Variants in LIX1 observed in about 807,000 individuals in gnomAD.
LIX1 encodes the protein protein limb expression 1 homolog.
A neutral mutation model predicts 33.4 loss-of-function variants in LIX1; 24 were observed. The ratio of observed to expected loss-of-function variants is 0.72; its 90% CI spans 0.52 to 1.01. The LOEUF (loss-of-function observed/expected upper bound fraction) is 1.01, where lower values mean the gene tolerates loss of function less well. LIX1 is among the 50% of genes least tolerant of loss of function. The pLI is 0.00. For synonymous variants in LIX1, 124 were observed against 124.0 expected, an observed-to-expected ratio of 1.00 and a Z score of 0.00; for missense variants, 311 against 339.2, an observed-to-expected ratio of 0.92 and a Z score of 0.65.
intron 1 of LIX1, among the ~76,000 whole-genome samples, chr5:97,138,891 A>G (rs1748224698): frequency 6.6e-6 from 1 of 152,212 alleles, no homozygotes; most frequent in Admixed American, 6.5e-5. Flanking sequence ...GAAGCATTTC[A>G]GATTTCAGAT....
At chr5:97,117,366 G>C (rs1580233871) in intron 2 of LIX1, among the ~76,000 whole-genome samples, 1 of 152,186 alleles carries the variant, frequency 6.6e-6, no homozygotes, top group South Asian at 2.1e-4. Context: ...CTGGGCAATA[G>C]TCTCAAGTTT....
chr5:97,136,604 G>A (rs1412940460), intron 1 of LIX1, among the ~76,000 whole-genome samples: 3 of 152,158 alleles, frequency 2.0e-5, no homozygotes, highest in Non-Finnish European at 2.9e-5. Context: ...GTAACACTTA[G>A]TACAGAGCCA....
At chr5:97,120,827 T>C (rs1442689130) in intron 2 of LIX1, among the ~76,000 whole-genome samples, 4 of 152,168 alleles carry the variant, frequency 2.6e-5, no homozygotes, top group Admixed American at 2.0e-4. Context: ...CCCTTTTTAC[T>C]TTCTATTTTG....
chr5:97,128,691 C>T (rs1238234685), intron 1 of LIX1, among the ~76,000 whole-genome samples: 1 of 152,178 alleles, frequency 6.6e-6, no homozygotes, highest in Non-Finnish European at 1.5e-5. Context: ...TTATCATCTA[C>T]CTAGTTACCT....
chr5:97,139,278 G>A lies in LIX1; in HGVS notation c.82+3217C>T, dbSNP rs576913929. On this transcript the variant is annotated intron_variant, in intron 1 of 5. Transcript: ENST00000274382. ...TAGTACAGTGCCTATCACATGATGA[G>A]GACTTGATGTCTTAGCCTTACTATT... Among the ~76,000 whole-genome samples, 18 of 152,316 alleles carry A rather than the reference G, an allele frequency of 1.2e-4. No individual in the cohort carries two copies. In the South Asian group the frequency reaches 1.9e-3, roughly 16 times the overall value.
intron 4 of LIX1, 47 bp downstream of exon 4, chr5:97,105,143 C>A: frequency 6.7e-7 from 1 of 1,499,602 alleles, no homozygotes; most frequent in South Asian, 1.1e-5. Context: ...TTCTCTTAGG[C>A]TTCTGGATTG....
At chr5:97,126,021 A>G (rs778969595) in intron 1 of LIX1, among the ~76,000 whole-genome samples, 2 of 152,218 alleles carry the variant, frequency 1.3e-5, no homozygotes, top group Non-Finnish European at 2.9e-5. Context: ...AGCTATGCCC[A>G]TAATCCAGGA....
rs995090557 is a variant in LIX1, at chr5:97,098,943, A to T, written c.484-2056T>A. ...TTTTCTTCTTTTCTGTCAGAGATCC[A>T]GTTTGGCATTCTGTCTAAGTTCACT... On this transcript the variant is annotated intron_variant, in intron 4 of 5. Transcript: ENST00000274382. 4.6e-5 allele frequency among the ~76,000 whole-genome samples: 7 copies of T among 152,220 alleles called. 1 individual carries two copies. Among genetic ancestry groups the T allele is most frequent in the Admixed American group, 4.6e-4 (7 of 15,280 alleles).
rs1327891831 is a variant in LIX1 at position 97,093,620 on chromosome 5, A to G, written c.*1128T>C. 17 of 45,014 alleles carry G rather than the reference A, an allele frequency of 3.8e-4. No individual in the cohort carries two copies. The highest frequency in any genetic ancestry group is 2.2e-3 in the African/African-American group (17 of 7,556). 2.8% of individuals were successfully genotyped at this position (45,014 alleles called of 1,614,324 possible). A position where few individuals can be genotyped will look rare whatever the true frequency, so the allele number is the denominator to read the frequency against. On this transcript the variant is annotated 3_prime_UTR_variant, in exon 6 of 6. Coordinates refer to ENST00000274382, the MANE Select transcript of LIX1 (RefSeq NM_153234.5). ...AACATGATGAAATCCCGTCTCTACT[A>G]AAAAAAAAAAAAAAAAAAAAGTTTT...
intron 2 of LIX1, 76 bp from the exon 3 acceptor site, chr5:97,107,576 C>T: frequency 6.9e-7 from 1 of 1,439,794 alleles, no homozygotes; most frequent in Non-Finnish European, 9.7e-7. Flanking sequence ...CAATGGGTCT[C>T]TGGACATTTC....
At chr5:97,124,092 C>T (rs111661875) in intron 2 of LIX1, among the ~76,000 whole-genome samples, 199 of 152,200 alleles carry the variant, frequency 1.3e-3, no homozygotes, top group South Asian at 0.01. Context: ...TCAGGTATGA[C>T]GTTAGTCTTA....
In LIX1 at chr5:97,092,264, G is replaced by A. The variant is rs1489382895; in HGVS notation, c.*2484C>T. 1 of 152,304 alleles carries A rather than the reference G, an allele frequency of 6.6e-6. No homozygotes were observed. The highest frequency in any genetic ancestry group is 1.5e-5 in the Non-Finnish European group (1 of 68,042). 9.4% of individuals were successfully genotyped at this position (152,304 alleles called of 1,614,324 possible). A position where few individuals can be genotyped will look rare whatever the true frequency, so the allele number is the denominator to read the frequency against. ...CTATTTTCCTAGGAGATGATCCACA[G>A]CTTTTATCAGATTCTCAAAGGGCTT... On this transcript the variant is annotated 3_prime_UTR_variant, in exon 6 of 6. Coordinates refer to ENST00000274382, the MANE Select transcript of LIX1 (RefSeq NM_153234.5).
At chr5:97,119,894 A>G (rs772355016) in intron 2 of LIX1, among the ~76,000 whole-genome samples, 8 of 152,020 alleles carry the variant, frequency 5.3e-5, no homozygotes, top group Non-Finnish European at 8.8e-5. Context: ...AATTTCTTAC[A>G]CTCATATCTT....
At chr5:97,126,421 C>G (rs890871169) in intron 1 of LIX1, among the ~76,000 whole-genome samples, 3 of 152,110 alleles carry the variant, frequency 2.0e-5, no homozygotes, top group African/African-American at 7.2e-5. Flanking sequence ...CAGGCAAATT[C>G]TGGCAACTCC....
rs757711907 is a variant in LIX1 at position 97,094,843 on chromosome 5, A to G, written c.754T>C (p.Leu252=). 5 of 1,614,212 alleles carry G rather than the reference A, an allele frequency of 3.1e-6. No individual in the cohort carries two copies. The highest frequency in any genetic ancestry group is 4.2e-6 in the Non-Finnish European group (5 of 1,180,030). ...CAGATCTGAGTCAGGGCTAAGCTCA[A>G]TATTTCTTTCTTTTCTTTGTAAAAC... ...LRFYKEKKEI[L]SLALTQICSD... Residue 252 remains leucine, a synonymous_variant, in exon 6 of 6, where the codon TTG becomes CTG. Coordinates refer to ENST00000274382, the MANE Select transcript of LIX1 (RefSeq NM_153234.5).
chr5:97,098,033 A>G (rs1226038895), intron 4 of LIX1, among the ~76,000 whole-genome samples: 4 of 152,328 alleles, frequency 2.6e-5, no homozygotes, highest in Admixed American at 1.3e-4. Flanking sequence ...AGCTCATCGG[A>G]ACGCTCATTC....
chr5:97,110,442 T>A (rs1233772981), intron 2 of LIX1, among the ~76,000 whole-genome samples: 10 of 152,206 alleles, frequency 6.6e-5, no homozygotes, highest in African/African-American at 1.2e-4. Context: ...TTTATTTTTT[T>A]TAATTTTTTT....
At chr5:97,107,856 T>G (rs1172930291) in intron 2 of LIX1, among the ~76,000 whole-genome samples, 2 of 151,892 alleles carry the variant, frequency 1.3e-5, no homozygotes, top group Non-Finnish European at 2.9e-5. Context: ...AAATCCCTAT[T>G]TCAGAAAAAA....
At chr5:97,125,504 C>T (rs1033083206) in intron 1 of LIX1, among the ~76,000 whole-genome samples, 1 of 152,174 alleles carries the variant, frequency 6.6e-6, no homozygotes, top group Non-Finnish European at 1.5e-5. Flanking sequence ...GTGGAAGGAC[C>T]TAGTACTTGC....
Sources: allele counts gnomAD v4.1 joint callset (sites outside exome capture counted in the v4.1 genomes callset), GRCh38; gene constraint gnomAD v4.1.1; transcripts MANE v1.5; gene names NCBI Gene and HGNC (gene_info 2026-07-23, HGNC 2026-07-21).